Variants in PCDHA7 observed in about 807,000 individuals in gnomAD.
The protein encoded by PCDHA7 is protocadherin alpha 7, also known as protocadherin alpha-7.
PCDHA7 carries 37 observed loss-of-function variants against 57.2 expected under a neutral mutation model. That is an observed-to-expected ratio of 0.65 (90% CI 0.50 to 0.85). The LOEUF is 0.85. Ranked by LOEUF, PCDHA7 falls within the 40% of genes least tolerant of loss-of-function variation. PCDHA7 has a pLI of 0.00. For synonymous variants in PCDHA7, 553 were observed against 558.8 expected (o/e 0.99, Z 0.15); for missense variants, 1,188 against 1,241.8 (o/e 0.96, Z 0.65).
intron 1 of PCDHA7, among the ~76,000 whole-genome samples, chr5:140,915,919 AC>A (rs1449299766): frequency 6.6e-6 from 1 of 152,102 alleles, no homozygotes; most frequent in Non-Finnish European, 1.5e-5. Flanking sequence ...CAGAGATGCT[AC>A]TTGGGAGTCA....
At chr5:140,967,944 A>T in intron 1 of PCDHA7, 1 of 1,614,088 alleles carries the variant, frequency 6.2e-7, no homozygotes, top group Non-Finnish European at 8.5e-7. Flanking sequence ...AATGACCAAG[A>T]CTCAGGCCCC....
chr5:140,958,135 G>A (rs868969031), intron 1 of PCDHA7, among the ~76,000 whole-genome samples: 1 of 152,036 alleles, frequency 6.6e-6, no homozygotes, highest in Non-Finnish European at 1.5e-5. Flanking sequence ...GTATCAGTGT[G>A]TATATTTATA....
intron 1 of PCDHA7, among the ~76,000 whole-genome samples, chr5:140,906,546 G>A (rs1261080393): frequency 2.0e-5 from 3 of 152,222 alleles, no homozygotes; most frequent in Non-Finnish European, 4.4e-5. Context: ...CCTCATTTCT[G>A]CAACTGGTTG....
chr5:140,853,510 A>C (rs2042773943), intron 1 of PCDHA7: 2 of 977,306 alleles, frequency 2.0e-6, no homozygotes, highest in African/African-American at 1.8e-5. Context: ...TGAAACAATA[A>C]TGAAGCTCCT....
Position 140,870,665 on chromosome 5 carries a change from C to T in PCDHA7, c.2355+33927C>T, listed in dbSNP as rs782328974. ...AGCGGCAAGGTGTACGCGCTGCAGC[C>T]GTTGGACCACGAGGAGCTGGAGCTG... On this transcript the variant is annotated intron_variant, in intron 1 of 3. Coordinates refer to ENST00000525929, the MANE Select transcript of PCDHA7 (RefSeq NM_018910.3). 1.2e-5 allele frequency: 20 copies of T among 1,612,506 alleles called. No individual in the cohort carries two copies. The South Asian group carries it at 1.4e-4, about 12-fold the overall frequency.
chr5:140,862,406 T>C, intron 1 of PCDHA7: 1 of 350,092 alleles, frequency 2.9e-6, no homozygotes, highest in Non-Finnish European at 5.6e-6. Flanking sequence ...GTGTCTACCT[T>C]CAAAAGGCGC....
At chr5:140,958,199 A>G (rs2095413345) in intron 1 of PCDHA7, among the ~76,000 whole-genome samples, 1 of 152,140 alleles carries the variant, frequency 6.6e-6, no homozygotes, top group Non-Finnish European at 1.5e-5. Context: ...GGTCTAGTAT[A>G]CAAGGGAATT....
rs201652283 is a variant in PCDHA7, at chr5:141,009,916, G to A, written c.2793G>A (p.Thr931=). The A allele has an allele frequency of 4.3e-6, 7 of 1,611,506 alleles. No homozygotes were observed. The highest frequency in any genetic ancestry group is 2.2e-5 in the East Asian group (1 of 44,862). ...TQEKKEKGNS[T]TDNSDQ is the part of the protein sequence containing the mutation. The stretch of plus-strand genomic sequence containing the variant: ...AGAAAAAAGAGAAAGGGAACAGCAC[G>A]ACTGACAACAGTGACCAGTGAGGTC... Residue 931 remains threonine (T), a synonymous_variant, in exon 4 of 4, where the codon ACG becomes ACA. Coordinates refer to ENST00000525929, the MANE Select transcript of PCDHA7 (RefSeq NM_018910.3).
chr5:140,884,688 CTTA>C (rs782481361), intron 1 of PCDHA7: 8 of 1,535,868 alleles, frequency 5.2e-6, no homozygotes, highest in Non-Finnish European at 8.8e-7. Flanking sequence ...AAAAAATTGT[CTTA>C]GTAAACACTT....
chr5:140,839,240 T>C (rs2150295728), intron 1 of PCDHA7, among the ~76,000 whole-genome samples: 1 of 152,152 alleles, frequency 6.6e-6, no homozygotes, highest in African/African-American at 2.4e-5. Context: ...TTTTATTGCT[T>C]TGCTTTTATG....
rs2150236474 is a variant in PCDHA7 at position 140,835,478 on chromosome 5, A to G, written c.1095A>G (p.Pro365=). 1 of 1,613,898 alleles carries G rather than the reference A, an allele frequency of 6.2e-7. No homozygotes were observed. ...LSLPIPEDAQ[P]GTVITLISVF... ...TCCCTATTCCAGAGGACGCCCAACC[A>G]GGTACCGTCATCACATTGATTAGCG... The change falls in exon 1 of 4, where the codon CCA becomes CCG. Residue 365 remains proline (P), a synonymous_variant. Coordinates refer to ENST00000525929, the MANE Select transcript of PCDHA7 (RefSeq NM_018910.3).
rs2150341086 is a variant in PCDHA7 at position 140,842,645 on chromosome 5, T to C, written c.2355+5907T>C. ...TTCGCTGTGGGCCACCGCCAGCTTG[T>C]CTGTGGAGGTGGCCGACGTGAACGA... On this transcript the variant is annotated intron_variant, in intron 1 of 3. Transcript: ENST00000525929. 5 of 1,595,026 alleles carry C rather than the reference T, an allele frequency of 3.1e-6. No individual in the cohort carries two copies. In the Admixed American group the frequency reaches 6.8e-5, roughly 22 times the overall value.
intron 1 of PCDHA7, among the ~76,000 whole-genome samples, chr5:140,961,185 G>T (rs2095595656): frequency 6.6e-6 from 1 of 152,100 alleles, no homozygotes; most frequent in Non-Finnish European, 1.5e-5. Context: ...ACTCCTCACA[G>T]GACCCTAGTG....
chr5:140,993,234 A>AATCTG (rs1554253510), intron 3 of PCDHA7, among the ~76,000 whole-genome samples: 1 of 152,130 alleles, frequency 6.6e-6, no homozygotes, highest in Non-Finnish European at 1.5e-5. Flanking sequence ...GTTCTCTCTG[A>AATCTG]ATCTGGGGAT....
rs782762108 is a variant in PCDHA7 at position 140,876,906 on chromosome 5, G to A, written c.2355+40168G>A. 3.7e-6 allele frequency: 6 copies of A among 1,613,910 alleles called. No homozygotes were observed. In the African/African-American group the frequency reaches 8.0e-5, roughly 22 times the overall value. On this transcript the variant is annotated intron_variant, in intron 1 of 3. Transcript: ENST00000525929. Reference sequence around the variant, plus strand: ...CGGGCTGCCACATCTTCACGGTGTCGGCATGGGACGCGGACGCGCAGAAGA... The same window carrying A: ...CGGGCTGCCACATCTTCACGGTGTCAGCATGGGACGCGGACGCGCAGAAGA...
rs1563650230 is a variant in PCDHA7, at chr5:141,000,393, C to CTA, written c.2504-9233_2504-9232insAT. Among the ~76,000 whole-genome samples, 150 of 52,842 alleles carry CTA rather than the reference C, an allele frequency of 2.8e-3. 1 individual carries two copies. The highest frequency in any genetic ancestry group is 4.0e-3 in the Non-Finnish European group (125 of 31,360). 34.7% of individuals were successfully genotyped at this position (52,842 alleles called of 152,430 possible). A position where few individuals can be genotyped will look rare whatever the true frequency, so the allele number is the denominator to read the frequency against. On this transcript the variant is annotated intron_variant, in intron 3 of 3. Coordinates refer to ENST00000525929, the MANE Select transcript of PCDHA7 (RefSeq NM_018910.3). ...TCTCTCTCTCTCTCTCTCTCTCTCT[C>CTA]TCTATATATATATATATATATATAT... is the stretch of plus-strand genomic sequence containing the variant.
intron 1 of PCDHA7, chr5:140,870,384 G>A: frequency 6.2e-7 from 1 of 1,614,230 alleles, no homozygotes; most frequent in African/African-American, 1.3e-5. Context: ...TGACTGCGCG[G>A]GATGGGGGTT....
Position 140,855,947 on chromosome 5 carries a change from T to A in PCDHA7, c.2355+19209T>A. On this transcript the variant is annotated intron_variant, in intron 1 of 3. Transcript: ENST00000525929. Reference sequence around the variant, plus strand: ...TAGCGTCATTCTGAGATCTCAGCCATTTCGATAAAAAATAGATATAAGAAA... The same window carrying A: ...TAGCGTCATTCTGAGATCTCAGCCAATTCGATAAAAAATAGATATAAGAAA... 2.9e-6 allele frequency: 4 copies of A among 1,358,712 alleles called. No homozygotes were observed. In the Admixed American group the frequency reaches 7.1e-5, roughly 24 times the overall value. The allele number at this position is 1,358,712 out of a possible 1,614,324, so 84.2% of individuals were successfully genotyped here. A position where few individuals can be genotyped will look rare whatever the true frequency, so the allele number is the denominator to read the frequency against.
At chr5:140,858,085 G>A (rs782551513) in intron 1 of PCDHA7, 1 of 1,597,828 alleles carries the variant, frequency 6.3e-7, no homozygotes, top group Non-Finnish European at 8.6e-7. Context: ...AGGCCTCGTC[G>A]CGGGCTTCAG....
Sources: gnomAD v4.1 joint callset for allele counts (sites outside exome capture counted in the v4.1 genomes callset) on GRCh38, gnomAD v4.1.1 for gene constraint, MANE v1.5 for transcripts, NCBI Gene and HGNC (gene_info 2026-07-23, HGNC 2026-07-21) for gene names.